GRIN2B: variants seen among roughly 807,000 people sequenced by gnomAD.
GRIN2B encodes the protein glutamate ionotropic receptor NMDA type subunit 2B, also known as glutamate receptor ionotropic, NMDA 2B.
In GRIN2B, 5 loss-of-function variants were observed where a neutral mutation model predicts 114.5. The observed-to-expected ratio is 0.04, with a 90% CI of 0.02 to 0.09. The LOEUF is 0.09. Among genes scored for constraint, GRIN2B ranks in the 10% least tolerant of loss-of-function variants. GRIN2B has a pLI of 1.00. For missense variants in GRIN2B, 1,108 were observed against 1,943.5 expected (o/e 0.57, Z 8.08); for synonymous variants, 787 against 745.1 (o/e 1.06, Z -0.92).
chr12:13,549,103 C>A lies in GRIN2B; in HGVS notation c.*13680G>T, dbSNP rs546567216. On this transcript the variant is annotated 3_prime_UTR_variant, in exon 14 of 14. Transcript: ENST00000609686. ...GTGAGCCAAAATTTCTTCTGCAGCC[C>A]AAACTAAAGATACTAAAATCTTTGG... 93 of 152,222 alleles carry A rather than the reference C, an allele frequency of 6.1e-4. No individual in the cohort carries two copies. Among genetic ancestry groups the A allele is most frequent in the African/African-American group, 2.2e-3 (91 of 41,544 alleles). 9.4% of individuals were successfully genotyped at this position (152,222 alleles called of 1,614,324 possible).
intron 3 of GRIN2B, among the ~76,000 whole-genome samples, chr12:13,858,193 TA>T (rs1474116846): frequency 6.6e-6 from 1 of 152,190 alleles, no homozygotes; most frequent in East Asian, 1.9e-4. Flanking sequence ...ATAAAATATA[TA>T]AGATGACTAG....
At chr12:13,967,242 G>T (rs549895811) in intron 2 of GRIN2B, among the ~76,000 whole-genome samples, 1 of 152,128 alleles carries the variant, frequency 6.6e-6, no homozygotes, top group Non-Finnish European at 1.5e-5. Context: ...ACCACCTTTC[G>T]AATCCTGCTG....
Position 13,564,189 on chromosome 12 carries a change from A to C in GRIN2B, c.3049T>G (p.Ser1017Ala), listed in dbSNP as rs1948601205. ...DNPPFTTQSR[S>A]ISKKPLDIGL... ...ATGTCCAGGGGCTTCTTGCTGATGG[A>C]CCTGGACTGGGTGGTGAAGGGTGGG... Residue 1017 changes from serine (S) to alanine (A), a missense_variant, in exon 14 of 14, where the codon TCC (serine) becomes GCC (alanine). Coordinates refer to ENST00000609686, the MANE Select transcript of GRIN2B (RefSeq NM_000834.5). This position sits in a 1 kb window ranked among gnomAD's most constrained non-coding sequence, Gnocchi z 4.8. 6.2e-7 allele frequency: 1 copy of C among 1,613,732 alleles called. No homozygotes were observed. The highest frequency in any genetic ancestry group is 8.5e-7 in the Non-Finnish European group (1 of 1,179,974).
chr12:13,884,070 C>G (rs1192675653), intron 2 of GRIN2B, among the ~76,000 whole-genome samples: 1 of 152,132 alleles, frequency 6.6e-6, no homozygotes, highest in African/African-American at 2.4e-5. Context: ...TGCCCTTCCT[C>G]CACCACCTTG....
intron 4 of GRIN2B, among the ~76,000 whole-genome samples, chr12:13,727,259 C>G (rs1475434787): frequency 6.6e-6 from 1 of 152,188 alleles, no homozygotes; most frequent in Non-Finnish European, 1.5e-5. Context: ...CCATGCAAGT[C>G]TTCTGATTTC....
intron 10 of GRIN2B, among the ~76,000 whole-genome samples, chr12:13,600,499 A>ATGTGTG (rs201880472): frequency 1.8e-5 from 2 of 113,562 alleles, no homozygotes; most frequent in Admixed American, 8.0e-5. Flanking sequence ...GTGTGTGTGC[A>ATGTGTG]TGTGTGTGTG....
At chr12:13,887,713 A>G (rs10772717) in intron 2 of GRIN2B, among the ~76,000 whole-genome samples, 60,945 of 152,156 alleles carry the variant, frequency 0.4, 13,475 homozygotes, top group East Asian at 0.64. Context: ...ATGAAGACTG[A>G]TGGTTTGTGG....
intron 5 of GRIN2B, among the ~76,000 whole-genome samples, chr12:13,654,804 A>G (rs957174641): frequency 6.6e-6 from 1 of 152,114 alleles, no homozygotes; most frequent in African/African-American, 2.4e-5. Flanking sequence ...GGCAATTACA[A>G]TGAGGAAAAG....
At chr12:13,698,745 C>T (rs1258623854) in intron 4 of GRIN2B, among the ~76,000 whole-genome samples, 1 of 152,148 alleles carries the variant, frequency 6.6e-6, no homozygotes, top group Non-Finnish European at 1.5e-5. Context: ...TGCAGTGGCA[C>T]GATCCTGGCT....
At chr12:13,836,188 T>A (rs2136709095) in intron 3 of GRIN2B, among the ~76,000 whole-genome samples, 1 of 152,294 alleles carries the variant, frequency 6.6e-6, no homozygotes, top group South Asian at 2.1e-4. Context: ...TTTCCAGGGC[T>A]GCCAGCCCCA....
intron 5 of GRIN2B, among the ~76,000 whole-genome samples, chr12:13,640,039 A>C (rs1018209873): frequency 1.1e-4 from 17 of 152,246 alleles, no homozygotes; most frequent in African/African-American, 4.1e-4. Flanking sequence ...TGGAAAAATA[A>C]CTATTCTGCA....
At chr12:13,952,768 C>A (rs903740079) in intron 2 of GRIN2B, among the ~76,000 whole-genome samples, 1 of 151,916 alleles carries the variant, frequency 6.6e-6, no homozygotes, top group African/African-American at 2.4e-5. Context: ...TTTTATCTCA[C>A]CCACTTTTAA....
chr12:13,785,077 G>T (rs1174387458), intron 3 of GRIN2B, among the ~76,000 whole-genome samples: 1 of 152,168 alleles, frequency 6.6e-6, no homozygotes, highest in African/African-American at 2.4e-5. Context: ...TTTATGATCT[G>T]TTTTAGCTTC....
chr12:13,768,851 G>A (rs1205483086), intron 3 of GRIN2B, among the ~76,000 whole-genome samples: 4 of 152,048 alleles, frequency 2.6e-5, no homozygotes, highest in Non-Finnish European at 5.9e-5. Flanking sequence ...TGGCTAACAC[G>A]GTGAAACACC....
intron 2 of GRIN2B, among the ~76,000 whole-genome samples, chr12:13,932,469 G>A (rs1242609782): frequency 6.6e-6 from 1 of 152,106 alleles, no homozygotes; most frequent in Admixed American, 6.5e-5. Flanking sequence ...ATTCCCAGTG[G>A]CTACAGCAAT....
intron 3 of GRIN2B, among the ~76,000 whole-genome samples, chr12:13,775,195 G>A (rs1257406660): frequency 6.6e-6 from 1 of 152,172 alleles, no homozygotes; most frequent in Non-Finnish European, 1.5e-5. Flanking sequence ...AAAGGCTGAG[G>A]ATGGAGACAA....
intron 2 of GRIN2B, among the ~76,000 whole-genome samples, chr12:13,874,146 A>G (rs992703208): frequency 1.3e-5 from 2 of 152,182 alleles, no homozygotes; most frequent in Non-Finnish European, 2.9e-5. Flanking sequence ...TCTTGGCAGC[A>G]ATATTTCTGC....
intron 5 of GRIN2B, among the ~76,000 whole-genome samples, chr12:13,652,171 T>G (rs1347473054): frequency 2.0e-5 from 3 of 151,834 alleles, no homozygotes; most frequent in Non-Finnish European, 2.9e-5. Flanking sequence ...ACCTCAGACT[T>G]TAGCACTTTG....
intron 3 of GRIN2B, among the ~76,000 whole-genome samples, chr12:13,809,722 G>A (rs1198248600): frequency 6.6e-6 from 1 of 152,220 alleles, no homozygotes; most frequent in African/African-American, 2.4e-5. Flanking sequence ...GTTATAACTA[G>A]CAGTGCTAAA....
Sources: allele counts gnomAD v4.1 joint callset (sites outside exome capture counted in the v4.1 genomes callset), GRCh38; gene constraint gnomAD v4.1.1; non-coding constraint Gnocchi (gnomAD v3.1); transcripts MANE v1.5; gene names NCBI Gene and HGNC (gene_info 2026-07-23, HGNC 2026-07-21).